The following PBRM1 variants were observed in gnomAD, a reference collection of about 807,000 sequenced individuals.
The protein encoded by PBRM1 is protein polybromo-1.
Under a neutral mutation model 194.5 loss-of-function variants are expected in PBRM1, and 27 were observed. The ratio of observed to expected loss-of-function variants is 0.14; its 90% CI spans 0.10 to 0.19. The LOEUF is 0.19. Among genes scored for constraint, PBRM1 ranks in the 10% least tolerant of loss-of-function variants. The pLI is 1.00. For missense variants in PBRM1, 1,466 were observed against 2,077.2 expected, an observed-to-expected ratio of 0.71 and a Z score of 5.72; for synonymous variants, 655 against 693.2, an observed-to-expected ratio of 0.94 and a Z score of 0.87.
chr3:52,590,104 C>G (rs543718852), intron 17 of PBRM1, among the ~76,000 whole-genome samples: 16 of 151,998 alleles, frequency 1.1e-4, no homozygotes, highest in Middle Eastern at 3.4e-3. Flanking sequence ...GGATTATAGG[C>G]GTGAGCCACC....
chr3:52,678,625 C>A, intron 1 of PBRM1, 28 bp from the exon 3 acceptor site: 1 of 1,453,132 alleles, frequency 6.9e-7, no homozygotes, highest in South Asian at 1.2e-5. Flanking sequence ...AGAAAAAAAT[C>A]ACTAAAAAAG....
intron 27 of PBRM1, among the ~76,000 whole-genome samples, chr3:52,551,292 G>C (rs574639376): frequency 1.3e-5 from 2 of 152,200 alleles, no homozygotes; most frequent in Non-Finnish European, 2.9e-5. Context: ...GCTTTGTGAA[G>C]GCTGAAGGCA....
intron 19 of PBRM1, 66 bp downstream of exon 21, chr3:52,587,287 T>G: frequency 8.6e-7 from 1 of 1,162,954 alleles, no homozygotes; most frequent in Non-Finnish European, 1.3e-6. Flanking sequence ...CATCGATTAT[T>G]TTCTGTGTTT....
chr3:52,681,563 A>G (rs1316544406), upstream of PBRM1: 3 of 190,074 alleles, frequency 1.6e-5, no homozygotes, highest in African/African-American at 7.1e-5. Context: ...ATCTATGACA[A>G]AGACACAAGT....
At chr3:52,613,499 G>A (rs888772505) in intron 15 of PBRM1, among the ~76,000 whole-genome samples, 1 of 149,124 alleles carries the variant, frequency 6.7e-6, no homozygotes, top group African/African-American at 2.6e-5. Flanking sequence ...GTGCCACCAC[G>A]CCTGGCTAAT....
At chr3:52,677,445 T>G (rs1274652380) in intron 2 of PBRM1, among the ~76,000 whole-genome samples, 3 of 122,924 alleles carry the variant, frequency 2.4e-5, no homozygotes, top group African/African-American at 9.5e-5. Flanking sequence ...GGAGTTTCAC[T>G]CTTGTCACCA....
intron 25 of PBRM1, chr3:52,560,621 A>C (rs747341272): frequency 1.3e-5 from 2 of 152,188 alleles, no homozygotes; most frequent in Non-Finnish European, 2.9e-5. Flanking sequence ...AGGACAGAGG[A>C]GGCCCTTGGG....
At chr3:52,568,982 G>C (rs2086192689) in intron 22 of PBRM1, among the ~76,000 whole-genome samples, 3 of 151,996 alleles carry the variant, frequency 2.0e-5, no homozygotes, top group Non-Finnish European at 4.4e-5. Context: ...CAACCTCCTG[G>C]GCTCAAGCGA....
At chr3:52,608,631 T>C (rs575766545) in intron 16 of PBRM1, among the ~76,000 whole-genome samples, 14 of 129,504 alleles carry the variant, frequency 1.1e-4, no homozygotes, top group Non-Finnish European at 2.1e-4. Context: ...AAGGTTTGTA[T>C]CTTTTTTTTT....
chr3:52,553,008 A>G (rs992785092), intron 27 of PBRM1, among the ~76,000 whole-genome samples: 1 of 152,166 alleles, frequency 6.6e-6, no homozygotes, highest in Non-Finnish European at 1.5e-5. Context: ...GTGTGGCTGG[A>G]GGCTCCAGGC....
At chr3:52,668,724 TG>T (rs1316417262) in intron 2 of PBRM1, 79 bp from the exon 4 acceptor site, 5 of 717,010 alleles carry the variant, frequency 7.0e-6, no homozygotes, top group Non-Finnish European at 8.5e-6. Context: ...TTTATGGTAA[TG>T]TTCAACATTC....
At chr3:52,654,304 C>T (rs373073606) in intron 5 of PBRM1, among the ~76,000 whole-genome samples, 2 of 152,210 alleles carry the variant, frequency 1.3e-5, no homozygotes, top group Admixed American at 1.3e-4. Flanking sequence ...ACTTTCTTAA[C>T]CCTACTCCTT....
At chr3:52,668,563 C>T in exon 3 of PBRM1, 2 of 1,607,006 alleles carry the variant, frequency 1.2e-6, no homozygotes, top group Non-Finnish European at 1.7e-6. Context: ...TTAACATCAT[C>T]ATACTCTTCC....
intron 17 of PBRM1, among the ~76,000 whole-genome samples, chr3:52,594,294 T>C (rs1024999169): frequency 6.6e-6 from 1 of 152,246 alleles, no homozygotes; most frequent in South Asian, 2.1e-4. Flanking sequence ...AGGATAAGTC[T>C]TCTTGTTGAA....
At chr3:52,673,904 A>C (rs1181965073) in intron 2 of PBRM1, among the ~76,000 whole-genome samples, 6 of 151,330 alleles carry the variant, frequency 4.0e-5, no homozygotes, top group Non-Finnish European at 8.9e-5. Context: ...TACAAAAATT[A>C]GCCAGGCATG....
intron 7 of PBRM1, among the ~76,000 whole-genome samples, chr3:52,647,457 A>AAAATATATAT (rs1560745545): frequency 6.3e-5 from 3 of 47,876 alleles, no homozygotes; most frequent in Non-Finnish European, 1.0e-4. Context: ...AAAAAAAAAA[A>AAAATATATAT]ATATATATAT....
chr3:52,632,494 ATCCC>A (rs1269677977), intron 11 of PBRM1, among the ~76,000 whole-genome samples: 2 of 152,138 alleles, frequency 1.3e-5, no homozygotes, highest in Non-Finnish European at 2.9e-5. Flanking sequence ...AGGCAGAAGG[ATCCC>A]TTGAGCCCAG....
At chr3:52,616,842 T>C (rs2094984143) in intron 14 of PBRM1, among the ~76,000 whole-genome samples, 1 of 152,156 alleles carries the variant, frequency 6.6e-6, no homozygotes, top group Non-Finnish European at 1.5e-5. Flanking sequence ...ATCGTAGTAA[T>C]GATGATGATG....
intron 13 of PBRM1, among the ~76,000 whole-genome samples, chr3:52,624,390 T>C (rs2095376984): frequency 1.3e-5 from 2 of 152,224 alleles, no homozygotes; most frequent in Non-Finnish European, 2.9e-5. Context: ...ATAAGTAACA[T>C]GCAAAAGAAT....
Sources: allele counts gnomAD v4.1 joint callset (sites outside exome capture counted in the v4.1 genomes callset), GRCh38; gene constraint gnomAD v4.1.1; transcripts MANE v1.5; gene names NCBI Gene and HGNC (gene_info 2026-07-23, HGNC 2026-07-21).